Variants in PAK5 observed in about 807,000 individuals in gnomAD.
PAK5 encodes p21 (RAC1) activated kinase 5, also known as serine/threonine-protein kinase PAK 5.
PAK5 carries 16 observed loss-of-function variants against 65.9 expected under a neutral mutation model. The observed-to-expected ratio is 0.24, with a 90% CI of 0.16 to 0.37. PAK5 has a LOEUF of 0.37. Among genes scored for constraint, PAK5 ranks in the 10% least tolerant of loss-of-function variants. PAK5 has a pLI of 1.00. For missense variants in PAK5, 785 were observed against 903.9 expected (o/e 0.87, Z 1.69); for synonymous variants, 371 against 354.9 (o/e 1.05, Z -0.51).
intron 1 of PAK5, among the ~76,000 whole-genome samples, chr20:9,718,142 T>C (rs1817123293): frequency 6.6e-6 from 1 of 152,040 alleles, no homozygotes; most frequent in South Asian, 2.1e-4. Context: ...TCTTCTGTTT[T>C]ATATACCATA....
intron 1 of PAK5, among the ~76,000 whole-genome samples, chr20:9,802,573 ATTT>A (rs1277151326): frequency 6.6e-6 from 1 of 151,982 alleles, no homozygotes; most frequent in African/African-American, 2.4e-5. Flanking sequence ...TTGTGTTTTG[ATTT>A]TTTATTGTTT....
chr20:9,800,175 T>C lies in PAK5; in HGVS notation c.-162+38587A>G, dbSNP rs559619775. Among the ~76,000 whole-genome samples the C allele has an allele frequency of 5.3e-5, 8 of 152,200 alleles. No homozygotes were observed. In the East Asian group the frequency reaches 1.5e-3, roughly 29 times the overall value. ...AGGTTGAATGATATTAGCTGAGCACTAGAACAACGATCTTCACCTTCTTCT... is the reference window on the plus strand; with the variant it reads ...AGGTTGAATGATATTAGCTGAGCACCAGAACAACGATCTTCACCTTCTTCT... On this transcript the variant is annotated intron_variant, in intron 1 of 9. Coordinates refer to ENST00000353224, the MANE Select transcript of PAK5 (RefSeq NM_177990.4).
chr20:9,538,458 C>T lies in PAK5; in HGVS notation c.*1004G>A. 1 of 233,594 alleles carries T rather than the reference C, an allele frequency of 4.3e-6. No individual in the cohort carries two copies. The highest frequency in any genetic ancestry group is 1.8e-4 in the South Asian group (1 of 5,530). 14.5% of individuals were successfully genotyped at this position (233,594 alleles called of 1,614,324 possible). The stretch of plus-strand genomic sequence containing the variant: ...CAAACGTCTTGCCCTGTTCTCTCCT[C>T]TCCCTTTGTGAGCCTGGAATTCTCA... On this transcript the variant is annotated 3_prime_UTR_variant, in exon 10 of 10. Coordinates refer to ENST00000353224, the MANE Select transcript of PAK5 (RefSeq NM_177990.4).
chr20:9,713,601 T>C (rs1020744792), intron 1 of PAK5, among the ~76,000 whole-genome samples: 20 of 149,042 alleles, frequency 1.3e-4, no homozygotes, highest in Non-Finnish European at 2.5e-4. Context: ...GGCCAAGATA[T>C]GGAATCAACT....
At chr20:9,637,199 G>A (rs1569012737) in intron 3 of PAK5, among the ~76,000 whole-genome samples, 1 of 151,988 alleles carries the variant, frequency 6.6e-6, no homozygotes, top group Non-Finnish European at 1.5e-5. Context: ...TAGTGGAGAC[G>A]AGGTTTTGCT....
chr20:9,641,963 T>A (rs1376342181), intron 3 of PAK5, among the ~76,000 whole-genome samples: 1 of 152,160 alleles, frequency 6.6e-6, no homozygotes. Flanking sequence ...TTCCCACTTG[T>A]GCCTCTCCCT....
chr20:9,709,292 C>A (rs1414865712), intron 2 of PAK5, among the ~76,000 whole-genome samples: 1 of 152,124 alleles, frequency 6.6e-6, no homozygotes, highest in African/African-American at 2.4e-5. Flanking sequence ...GCACTGGTAG[C>A]TCTTTGCTTA....
intron 2 of PAK5, among the ~76,000 whole-genome samples, chr20:9,670,312 G>A (rs1353720089): frequency 6.6e-6 from 1 of 152,084 alleles, no homozygotes; most frequent in African/African-American, 2.4e-5. Flanking sequence ...GGGTCAAATG[G>A]TATTTCTAGT....
At chr20:9,784,529 ATCT>A (rs1032489158) in intron 1 of PAK5, 1 of 152,126 alleles carries the variant, frequency 6.6e-6, no homozygotes, top group African/African-American at 2.4e-5. Flanking sequence ...GCAGAGAAAA[ATCT>A]TCTTTGTAAA....
chr20:9,566,539 G>C (rs954399348), intron 4 of PAK5, among the ~76,000 whole-genome samples, 155 bp from the exon 5 acceptor site: 7 of 152,072 alleles, frequency 4.6e-5, no homozygotes, highest in African/African-American at 1.7e-4. Context: ...GCCACACCTA[G>C]GGAAGGGCCT....
At chr20:9,593,313 A>T (rs2046206102) in intron 3 of PAK5, among the ~76,000 whole-genome samples, 1 of 152,072 alleles carries the variant, frequency 6.6e-6, no homozygotes, top group Admixed American at 6.6e-5. Context: ...CAAAAGAAAA[A>T]AAAAGAGTTG....
chr20:9,570,102 G>A (rs1353548509), intron 4 of PAK5, among the ~76,000 whole-genome samples: 1 of 152,034 alleles, frequency 6.6e-6, no homozygotes, highest in African/African-American at 2.4e-5. Context: ...CCGTAAAATG[G>A]AACAATAATA....
chr20:9,733,651 G>A (rs751595056), intron 1 of PAK5, among the ~76,000 whole-genome samples: 10 of 152,060 alleles, frequency 6.6e-5, no homozygotes, highest in Admixed American at 3.9e-4. Flanking sequence ...CACCATATTG[G>A]CCAGACTGGT....
intron 2 of PAK5, among the ~76,000 whole-genome samples, chr20:9,696,757 G>A (rs566359253): frequency 6.6e-6 from 1 of 152,206 alleles, no homozygotes; most frequent in East Asian, 1.9e-4. Flanking sequence ...AAGTGAATAT[G>A]TAAAGAAGTA....
chr20:9,567,253 A>G (rs1200639403), intron 4 of PAK5, among the ~76,000 whole-genome samples: 6 of 152,160 alleles, frequency 3.9e-5, no homozygotes, highest in African/African-American at 1.4e-4. Flanking sequence ...GGATACATAG[A>G]AGGTACTCAG....
intron 1 of PAK5, among the ~76,000 whole-genome samples, chr20:9,826,629 A>AG (rs1007066256): frequency 2.3e-4 from 35 of 152,164 alleles, no homozygotes; most frequent in African/African-American, 8.4e-4. Flanking sequence ...AAGCCTGAAA[A>AG]GCCCTTGGGA....
intron 1 of PAK5, among the ~76,000 whole-genome samples, chr20:9,799,668 T>C (rs536030814): frequency 6.6e-6 from 1 of 152,170 alleles, no homozygotes; most frequent in South Asian, 2.1e-4. Context: ...ACATGAGGTA[T>C]AATTGAATGT....
At chr20:9,771,962 C>A (rs934570547) in intron 1 of PAK5, among the ~76,000 whole-genome samples, 2 of 152,066 alleles carry the variant, frequency 1.3e-5, no homozygotes, top group Admixed American at 6.5e-5. Context: ...TACTTGAACC[C>A]GAGAGGCCGA....
intron 7 of PAK5, among the ~76,000 whole-genome samples, chr20:9,547,527 T>C (rs983306573): frequency 3.9e-5 from 6 of 152,182 alleles, no homozygotes; most frequent in African/African-American, 1.4e-4. Context: ...TAGGCCACTT[T>C]GCCAAGGATA....
Sources: allele counts gnomAD v4.1 joint callset (sites outside exome capture counted in the v4.1 genomes callset), GRCh38; gene constraint gnomAD v4.1.1; transcripts MANE v1.5; gene names NCBI Gene and HGNC (gene_info 2026-07-23, HGNC 2026-07-21).